The following MARCHF10 variants were observed in gnomAD, a reference collection of about 807,000 sequenced individuals.
MARCHF10 encodes probable E3 ubiquitin-protein ligase MARCHF10.
Under a neutral mutation model 76.2 loss-of-function variants are expected in MARCHF10, and 64 were observed. That is an observed-to-expected ratio of 0.84 (90% CI 0.69 to 1.03). MARCHF10 has a LOEUF of 1.03. Ranked by LOEUF, MARCHF10 falls within the 50% of genes least tolerant of loss-of-function variation. The pLI is 0.00. For synonymous variants in MARCHF10, 340 were observed against 357.5 expected (o/e 0.95, Z 0.55); for missense variants, 875 against 958.0 (o/e 0.91, Z 1.14).
At chr17:62,754,467 G>A (rs2091984176) in intron 4 of MARCHF10, among the ~76,000 whole-genome samples, 1 of 152,140 alleles carries the variant, frequency 6.6e-6, no homozygotes, top group Admixed American at 6.6e-5. Context: ...GCGGTGTTGG[G>A]AGGAGGGTTC....
rs78862550 is a variant in MARCHF10, at chr17:62,777,075, G to A, written c.210+11405C>T. On this transcript the variant is annotated intron_variant, in intron 3 of 10. Transcript: ENST00000311269. ...GTCAATCATTTCAAGCCAGGTCATG[G>A]AGCATTCTCCACTCCAAGTCACATT... Among the ~76,000 whole-genome samples, 1,004 of 152,260 alleles carry A rather than the reference G, an allele frequency of 6.6e-3. 8 individuals carry two copies. Among genetic ancestry groups the A allele is most frequent in the African/African-American group, 0.023 (946 of 41,554 alleles).
chr17:62,704,524 C>A (rs1432315213), intron 10 of MARCHF10, among the ~76,000 whole-genome samples: 1 of 152,254 alleles, frequency 6.6e-6, no homozygotes, highest in African/African-American at 2.4e-5. Context: ...ATTGGCTTCT[C>A]TAGGGTCGTA....
At chr17:62,705,195 TA>T in intron 10 of MARCHF10, 3 of 1,233,034 alleles carry the variant, frequency 2.4e-6, no homozygotes, top group Non-Finnish European at 3.1e-6. Flanking sequence ...ATCCTGGCAG[TA>T]AAAAAACCAA....
chr17:62,744,402 G>T lies in MARCHF10; in HGVS notation c.509C>A (p.Ala170Glu). Residue 170 changes from alanine (A) to glutamate (E), a missense_variant, in exon 5 of 11, where the codon GCA (alanine) becomes GAA (glutamate). Physicochemically the swap from Ala to Glu is moderately radical, Grantham distance 107 (BLOSUM62 -1). Transcript: ENST00000311269. ...TGCTCCCCTGGGAACCGGCACCTTT[G>T]CAGGCCACTGCTGTTTCTGTCTGCT... ...DRSRQKQQWP[A>E]KVPVPRGADQ... The T allele has an allele frequency of 6.2e-7, 1 of 1,614,112 alleles. No homozygotes were observed. Among genetic ancestry groups the T allele is most frequent in the Non-Finnish European group, 8.5e-7 (1 of 1,180,024 alleles).
chr17:62,745,544 G>A (rs2091673730), intron 4 of MARCHF10, among the ~76,000 whole-genome samples: 1 of 152,114 alleles, frequency 6.6e-6, no homozygotes, highest in Non-Finnish European at 1.5e-5. Flanking sequence ...AACATATTTT[G>A]TATAATACCT....
intron 3 of MARCHF10, among the ~76,000 whole-genome samples, chr17:62,766,453 T>C (rs1406723567): frequency 1.3e-5 from 2 of 151,508 alleles, no homozygotes; most frequent in Non-Finnish European, 2.9e-5. Flanking sequence ...TGAGTTGAGA[T>C]AGCACCATTG....
chr17:62,711,175 C>CACT lies in MARCHF10; in HGVS notation c.2328+53_2328+55dup. Reference sequence around the variant, plus strand: ...AACAGCTTGCACATCTAATAAACAGCACTGCAGGGTTTTCAGGGCTGCCAC... The same window carrying CACT: ...AACAGCTTGCACATCTAATAAACAGCACTACTGCAGGGTTTTCAGGGCTGCCAC... On this transcript the variant is annotated intron_variant, in intron 9 of 10. Transcript: ENST00000311269. This position sits in a 1 kb window ranked among gnomAD's most constrained non-coding sequence, Gnocchi z 4.4. The CACT allele has an allele frequency of 2.1e-6, 3 of 1,416,068 alleles. No individual in the cohort carries two copies. In the East Asian group the frequency reaches 6.8e-5, roughly 32 times the overall value. 87.7% of individuals were successfully genotyped at this position (1,416,068 alleles called of 1,614,324 possible). A position where few individuals can be genotyped will look rare whatever the true frequency, so the allele number is the denominator to read the frequency against.
intron 6 of MARCHF10, among the ~76,000 whole-genome samples, chr17:62,733,467 T>A (rs1336380229): frequency 1.3e-5 from 2 of 151,458 alleles, no homozygotes; most frequent in Admixed American, 6.6e-5. Flanking sequence ...TCAATACGAA[T>A]GTTGTCAAGG....
intron 2 of MARCHF10, chr17:62,794,890 G>A (rs757652551): frequency 1.8e-4 from 74 of 409,400 alleles, no homozygotes; most frequent in Non-Finnish European, 2.3e-4. Context: ...AATTGTCCTC[G>A]GTGACATTAT....
At chr17:62,759,133 ACTTT>A (rs2092125531) in intron 4 of MARCHF10, among the ~76,000 whole-genome samples, 1 of 152,224 alleles carries the variant, frequency 6.6e-6, no homozygotes, top group Admixed American at 6.5e-5. Context: ...AAACTTTATT[ACTTT>A]CTCTCTTGGC....
At chr17:62,806,878 C>G (rs76417914) in intron 1 of MARCHF10, among the ~76,000 whole-genome samples, 3,909 of 152,266 alleles carry the variant, frequency 0.026, 288 homozygotes, top group East Asian at 0.17. Context: ...TTTGAAGGAG[C>G]CTGTTCTTAA....
intron 4 of MARCHF10, among the ~76,000 whole-genome samples, chr17:62,756,659 T>G (rs1466187325): frequency 6.6e-6 from 1 of 152,194 alleles, no homozygotes; most frequent in Non-Finnish European, 1.5e-5. Flanking sequence ...ATGTATGTTT[T>G]ATCATTGAGT....
At chr17:62,768,283 C>T (rs759789871) in intron 3 of MARCHF10, among the ~76,000 whole-genome samples, 2 of 152,118 alleles carry the variant, frequency 1.3e-5, no homozygotes, top group African/African-American at 2.4e-5. Flanking sequence ...CTTTGGGAAG[C>T]GGAGGTGGGT....
intron 4 of MARCHF10, among the ~76,000 whole-genome samples, chr17:62,759,420 T>C (rs1463019234): frequency 6.6e-6 from 1 of 152,236 alleles, no homozygotes; most frequent in Non-Finnish European, 1.5e-5. Flanking sequence ...TTTCGAAACC[T>C]GAATTAGCCA....
chr17:62,705,017 C>T, intron 10 of MARCHF10: 3 of 989,248 alleles, frequency 3.0e-6, no homozygotes, highest in Non-Finnish European at 3.6e-6. Flanking sequence ...AGAGAGCCGT[C>T]TTGCCCGCTT....
At chr17:62,743,500 G>T (rs954855940) in intron 5 of MARCHF10, among the ~76,000 whole-genome samples, 2 of 152,040 alleles carry the variant, frequency 1.3e-5, no homozygotes, top group Admixed American at 6.6e-5. Flanking sequence ...AAAATTAGCC[G>T]GGCATGGTGG....
chr17:62,703,858 G>T (rs570555861), intron 10 of MARCHF10, among the ~76,000 whole-genome samples: 14 of 152,222 alleles, frequency 9.2e-5, no homozygotes, highest in Non-Finnish European at 1.5e-4. Flanking sequence ...CTGGGGCCGG[G>T]GCTCAAGGCC....
At chr17:62,716,727 A>C (rs1221855246) in intron 8 of MARCHF10, among the ~76,000 whole-genome samples, 1 of 152,160 alleles carries the variant, frequency 6.6e-6, no homozygotes, top group Non-Finnish European at 1.5e-5. Flanking sequence ...AAAATATATA[A>C]GAAAAACAGT....
intron 3 of MARCHF10, among the ~76,000 whole-genome samples, chr17:62,776,265 A>C (rs73992060): frequency 1.8e-3 from 279 of 152,326 alleles, no homozygotes; most frequent in African/African-American, 6.4e-3. Flanking sequence ...AAGACCAATC[A>C]ACACAGGGAA....
Sources: allele counts gnomAD v4.1 joint callset (sites outside exome capture counted in the v4.1 genomes callset), GRCh38; gene constraint gnomAD v4.1.1; non-coding constraint Gnocchi (gnomAD v3.1); transcripts MANE v1.5; gene names NCBI Gene and HGNC (gene_info 2026-07-23, HGNC 2026-07-21).